The following CEMIP variants were observed in gnomAD, a reference collection of about 807,000 sequenced individuals.
The protein encoded by CEMIP is cell migration inducing hyaluronidase 1, also known as cell migration-inducing and hyaluronan-binding protein.
A neutral mutation model predicts 156.9 loss-of-function variants in CEMIP; 105 were observed. The observed-to-expected ratio is 0.67, with a 90% CI of 0.57 to 0.79. The LOEUF (loss-of-function observed/expected upper bound fraction) is 0.79. Ranked by LOEUF, CEMIP falls within the 30% of genes least tolerant of loss-of-function variation. The pLI, the probability that CEMIP is intolerant of heterozygous loss-of-function variation, is 0.00. For synonymous variants in CEMIP, 676 were observed against 668.4 expected (o/e 1.01, Z -0.17); for missense variants, 1,457 against 1,769.4 (o/e 0.82, Z 3.17).
chr15:80,854,892 G>A (rs1261795331), intron 1 of CEMIP, among the ~76,000 whole-genome samples: 1 of 152,200 alleles, frequency 6.6e-6, no homozygotes, highest in Non-Finnish European at 1.5e-5. Flanking sequence ...CCACTAAGTG[G>A]CACATGCAGG....
chr15:80,842,414 T>G (rs1897445883), intron 1 of CEMIP, among the ~76,000 whole-genome samples: 1 of 152,052 alleles, frequency 6.6e-6, no homozygotes, highest in African/African-American at 2.4e-5. Context: ...GGCAGACAGA[T>G]GATTGCAGCA....
At chr15:80,865,470 G>T (rs969569636) in intron 1 of CEMIP, among the ~76,000 whole-genome samples, 1 of 152,030 alleles carries the variant, frequency 6.6e-6, no homozygotes, top group African/African-American at 2.4e-5. Context: ...GTGAGCCACC[G>T]CGCCCGGCCA....
intron 1 of CEMIP, among the ~76,000 whole-genome samples, chr15:80,787,676 G>A (rs563257342): frequency 1.1e-4 from 17 of 152,274 alleles, no homozygotes; most frequent in Admixed American, 5.9e-4. Context: ...CCTTGGTTGC[G>A]CTGATCTCTT....
At chr15:80,853,610 T>C (rs1251622127) in intron 1 of CEMIP, among the ~76,000 whole-genome samples, 2 of 152,114 alleles carry the variant, frequency 1.3e-5, no homozygotes, top group African/African-American at 2.4e-5. Flanking sequence ...ATGGATCTCA[T>C]AGTAAGAGGT....
At chr15:80,874,580 G>A (rs916102550) in intron 3 of CEMIP, among the ~76,000 whole-genome samples, 6 of 152,150 alleles carry the variant, frequency 3.9e-5, no homozygotes, top group Admixed American at 1.3e-4. Context: ...TAAGATCTGG[G>A]TACATTAAAG....
chr15:80,850,460 G>A (rs1430003589), intron 1 of CEMIP, among the ~76,000 whole-genome samples: 4 of 152,100 alleles, frequency 2.6e-5, no homozygotes, highest in South Asian at 2.1e-4. Flanking sequence ...TGTATTTTTA[G>A]TAGCGATAGG....
intron 6 of CEMIP, among the ~76,000 whole-genome samples, 173 bp downstream of exon 6, chr15:80,881,309 T>C (rs1898651097): frequency 6.6e-6 from 1 of 152,220 alleles, no homozygotes; most frequent in Non-Finnish European, 1.5e-5. Flanking sequence ...CTAATGATGC[T>C]GAATTGAAGA....
chr15:80,894,921 A>G (rs1024597160), intron 10 of CEMIP, 69 bp from the exon 11 acceptor site: 92 of 1,579,014 alleles, frequency 5.8e-5, no homozygotes, highest in Non-Finnish European at 7.6e-5. Context: ...TGTTTAGAAC[A>G]TTAATCAGCA....
At chr15:80,885,293 A>G (rs1373757944) in intron 7 of CEMIP, among the ~76,000 whole-genome samples, 1 of 152,206 alleles carries the variant, frequency 6.6e-6, no homozygotes, top group African/African-American at 2.4e-5. Flanking sequence ...GGAGCAAAGC[A>G]ATTTTGCTGG....
At chr15:80,883,080 C>G (rs1171970154) in intron 6 of CEMIP, among the ~76,000 whole-genome samples, 1 of 152,114 alleles carries the variant, frequency 6.6e-6, no homozygotes, top group African/African-American at 2.4e-5. Flanking sequence ...TATCCAGCTA[C>G]CACCGGTACC....
At chr15:80,789,087 A>G (rs957263883) in intron 1 of CEMIP, among the ~76,000 whole-genome samples, 1 of 152,048 alleles carries the variant, frequency 6.6e-6, no homozygotes, top group African/African-American at 2.4e-5. Context: ...TCTCACTCTC[A>G]TCCTGTCCCT....
chr15:80,903,696 T>C (rs1056561577), intron 12 of CEMIP, among the ~76,000 whole-genome samples: 3 of 152,184 alleles, frequency 2.0e-5, no homozygotes, highest in Admixed American at 6.5e-5. Flanking sequence ...TCCCTCAACA[T>C]GCTCAACCCT....
intron 1 of CEMIP, among the ~76,000 whole-genome samples, chr15:80,818,959 G>C (rs4260012): frequency 6.6e-6 from 1 of 151,876 alleles, no homozygotes; most frequent in African/African-American, 2.4e-5. Flanking sequence ...TCTTCCCAGC[G>C]TGCATTACAG....
At chr15:80,794,472 A>G (rs1380817950) in intron 1 of CEMIP, among the ~76,000 whole-genome samples, 1 of 151,774 alleles carries the variant, frequency 6.6e-6, no homozygotes, top group East Asian at 1.9e-4. Flanking sequence ...GAGACATACA[A>G]TGGGTGCCAC....
intron 1 of CEMIP, among the ~76,000 whole-genome samples, chr15:80,814,066 T>C: frequency 6.8e-6 from 1 of 148,020 alleles, no homozygotes; most frequent in Middle Eastern, 3.4e-3. Flanking sequence ...TTTTTTTTTT[T>C]TTGAGACAGA....
In CEMIP at chr15:80,809,382, A is replaced by G. The variant is rs150856370; in HGVS notation, c.-176+29768A>G. Among the ~76,000 whole-genome samples, 454 of 152,364 alleles carry G rather than the reference A, an allele frequency of 3.0e-3. 3 individuals are homozygous for G. The highest frequency in any genetic ancestry group is 0.014 in the Middle Eastern group (4 of 294). ...AAAATGTTCATATTGTGAAGTCAGCATTTGAATCTATCTGAGACGGAGTGC... is the reference window on the plus strand; with the variant it reads ...AAAATGTTCATATTGTGAAGTCAGCGTTTGAATCTATCTGAGACGGAGTGC... On this transcript the variant is annotated intron_variant, in intron 1 of 29. Transcript: ENST00000394685.
At chr15:80,892,762 T>C (rs901830343) in intron 10 of CEMIP, among the ~76,000 whole-genome samples, 33 of 152,228 alleles carry the variant, frequency 2.2e-4, no homozygotes, top group African/African-American at 7.2e-4. Context: ...ACTCACAGTC[T>C]TGTTACTTAG....
At chr15:80,799,934 G>A (rs559369590) in intron 1 of CEMIP, among the ~76,000 whole-genome samples, 13 of 151,888 alleles carry the variant, frequency 8.6e-5, no homozygotes, top group South Asian at 8.3e-4. Context: ...CTGTAGCCTC[G>A]AACTCCTGGG....
chr15:80,895,533 G>C (rs957763552), intron 11 of CEMIP, among the ~76,000 whole-genome samples: 3 of 152,178 alleles, frequency 2.0e-5, no homozygotes, highest in Non-Finnish European at 2.9e-5. Flanking sequence ...TTTAGGGGGA[G>C]AAGTTTATGG....
Sources: allele counts gnomAD v4.1 joint callset (sites outside exome capture counted in the v4.1 genomes callset), GRCh38; gene constraint gnomAD v4.1.1; transcripts MANE v1.5; gene names NCBI Gene and HGNC (gene_info 2026-07-23, HGNC 2026-07-21).